DNAH3: variants seen among roughly 807,000 people sequenced by gnomAD.
DNAH3 encodes axonemal beta dynein heavy chain 3.
DNAH3 carries 332 observed loss-of-function variants against 432.5 expected under a neutral mutation model. The observed-to-expected ratio is 0.77, with a 90% CI of 0.70 to 0.84. DNAH3 has a LOEUF of 0.84. Ranked by LOEUF, DNAH3 falls within the 40% of genes least tolerant of loss-of-function variation. DNAH3 has a pLI of 0.00. For synonymous variants in DNAH3, 1,956 were observed against 1,900.2 expected (o/e 1.03, Z -0.76); for missense variants, 4,861 against 5,114.0 (o/e 0.95, Z 1.51).
chr16:21,154,371 C>T (rs1002132556), intron 1 of DNAH3, among the ~76,000 whole-genome samples: 1 of 151,596 alleles, frequency 6.6e-6, no homozygotes, highest in African/African-American at 2.4e-5. Flanking sequence ...CACCATTGCA[C>T]TCCAGCCTGT....
chr16:21,045,105 T>C (rs1333141207), intron 31 of DNAH3, among the ~76,000 whole-genome samples: 2 of 152,116 alleles, frequency 1.3e-5, no homozygotes, highest in Non-Finnish European at 2.9e-5. Flanking sequence ...TTTGCATCGA[T>C]GTTCATCAAG....
At chr16:21,040,021 G>T in intron 32 of DNAH3, 78 bp from the exon 33 acceptor site, 1 of 1,214,104 alleles carries the variant, frequency 8.2e-7, no homozygotes, top group Non-Finnish European at 1.2e-6. Flanking sequence ...GAAGCAAAGG[G>T]AAGTAGCTTT....
intron 8 of DNAH3, among the ~76,000 whole-genome samples, chr16:21,126,597 T>C (rs1597439178): frequency 1.3e-5 from 2 of 152,290 alleles, no homozygotes; most frequent in East Asian, 1.9e-4. Context: ...GTCATTCAAA[T>C]GCATTCCCCT....
intron 24 of DNAH3, chr16:21,063,122 C>T (rs2090421990): frequency 6.3e-6 from 1 of 157,886 alleles, no homozygotes; most frequent in Non-Finnish European, 1.4e-5. Context: ...GGGATGGGTG[C>T]TATCAGTTGA....
intron 5 of DNAH3, among the ~76,000 whole-genome samples, chr16:21,138,201 T>G (rs1016978949): frequency 6.6e-6 from 1 of 150,968 alleles, no homozygotes; most frequent in Non-Finnish European, 1.5e-5. Flanking sequence ...TGGGGCAAGA[T>G]CACGCCACAG....
chr16:21,067,757 T>TGAGGGGGG (rs1469229191), intron 23 of DNAH3, among the ~76,000 whole-genome samples: 2 of 29,802 alleles, frequency 6.7e-5, no homozygotes, highest in African/African-American at 1.7e-4. Flanking sequence ...AAGCCAGTCT[T>TGAGGGGGG]GGGGGGGGGG....
intron 60 of DNAH3, 119 bp from the exon 61 acceptor site, chr16:20,935,604 C>T: frequency 8.7e-7 from 1 of 1,151,622 alleles, no homozygotes; most frequent in Non-Finnish European, 1.2e-6. Context: ...TGAAACAGCC[C>T]TCTTGGTTTA....
intron 20 of DNAH3, among the ~76,000 whole-genome samples, chr16:21,081,283 TG>T (rs1002114242): frequency 2.6e-5 from 4 of 152,138 alleles, no homozygotes; most frequent in African/African-American, 9.6e-5. Context: ...GTTGTTGCTT[TG>T]TTTGTTTAAA....
At chr16:21,104,208 T>A in intron 16 of DNAH3, 1 of 322,376 alleles carries the variant, frequency 3.1e-6, no homozygotes, top group Non-Finnish European at 5.8e-6. Context: ...AGTTTTGCGT[T>A]TTTCTCTCTG....
chr16:21,071,048 A>AT (rs984738756), intron 21 of DNAH3, among the ~76,000 whole-genome samples: 50 of 145,592 alleles, frequency 3.4e-4, no homozygotes, highest in African/African-American at 8.6e-4. Flanking sequence ...CCATGCCTGG[A>AT]TTTTTTTTTT....
At chr16:21,041,977 G>A (rs969694352) in intron 32 of DNAH3, 50 bp downstream of exon 32, 1 of 1,607,376 alleles carries the variant, frequency 6.2e-7, no homozygotes, top group African/African-American at 1.3e-5. Flanking sequence ...CCGGCCCAGA[G>A]GTTTCTATTC....
In DNAH3 at chr16:21,042,372, T is replaced by C. The variant is rs567369865; in HGVS notation, c.4462-169A>G. On this transcript the variant is annotated intron_variant, in intron 31 of 61. Transcript: ENST00000261383. ...GGGGTTTTGGTAAGAAAAAAGAATA[T>C]AGGTTTGTGCATGTGTGCATGTGCG... Among the ~76,000 whole-genome samples the C allele has an allele frequency of 3.9e-5, 6 of 152,148 alleles. No individual in the cohort carries two copies. The South Asian group carries it at 6.2e-4, about 16-fold the overall frequency.
chr16:20,963,862 TC>T lies in DNAH3; in HGVS notation c.10021del (p.Glu3341AsnfsTer2). 1 of 1,614,092 alleles carries T rather than the reference TC, an allele frequency of 6.2e-7. No individual in the cohort carries two copies. Among genetic ancestry groups the T allele is most frequent in the Non-Finnish European group, 8.5e-7 (1 of 1,180,014 alleles). Reference sequence around the variant, plus strand: ...GATGTACTTGATGCGCAGATTCAGTTCCTCGCTCTTCGTGCTGTGGGTCAAG... The same window carrying T: ...GATGTACTTGATGCGCAGATTCAGTTCTCGCTCTTCGTGCTGTGGGTCAAG... On this transcript the variant is annotated frameshift_variant, in exon 53 of 62. Transcript: ENST00000261383. LOFTEE classifies it high-confidence loss of function.
rs553922807 is a variant in DNAH3 at position 21,133,167 on chromosome 16, C to T, written c.1082+1092G>A. ...AGGAGTTTGAGACCAGTCTGGACAA[C>T]ATGGTGAAACTCCGTCTCTATCAAA... On this transcript the variant is annotated intron_variant, in intron 7 of 61. Transcript: ENST00000261383. Among the ~76,000 whole-genome samples, 14 of 151,874 alleles carry T rather than the reference C, an allele frequency of 9.2e-5. No homozygotes were observed. In the East Asian group the frequency reaches 2.5e-3, roughly 27 times the overall value.
chr16:21,001,387 C>A lies in DNAH3; in HGVS notation c.6127-869G>T, dbSNP rs561726228. Among the ~76,000 whole-genome samples, 7 of 152,220 alleles carry A rather than the reference C, an allele frequency of 4.6e-5. No homozygotes were observed. The South Asian group carries it at 1.5e-3, about 32-fold the overall frequency. ...TATGTCTAGGCTGAAAGGGACTAGA[C>A]CTTGGGGCCACTGTGTTGTACAACT... On this transcript the variant is annotated intron_variant, in intron 42 of 61. Coordinates refer to ENST00000261383, the Ensembl canonical transcript of DNAH3.
intron 38 of DNAH3, among the ~76,000 whole-genome samples, chr16:21,025,056 C>T (rs1670454581): frequency 6.6e-6 from 1 of 152,042 alleles, no homozygotes; most frequent in Non-Finnish European, 1.5e-5. Context: ...TCCCGAGTAG[C>T]TGGAATTACA....
intron 10 of DNAH3, 56 bp downstream of exon 11, chr16:21,121,889 A>G (rs1477098670): frequency 9.4e-6 from 14 of 1,488,452 alleles, no homozygotes; most frequent in Non-Finnish European, 1.3e-5. Context: ...CTTTCAATAC[A>G]TTTTATTCAC....
intron 31 of DNAH3, among the ~76,000 whole-genome samples, chr16:21,047,730 C>A (rs1449126093): frequency 6.6e-6 from 1 of 152,044 alleles, no homozygotes; most frequent in Non-Finnish European, 1.5e-5. Context: ...GAACTGCGTT[C>A]CTTTGGAGGA....
At chr16:21,109,537 T>C (rs187919968) in intron 14 of DNAH3, among the ~76,000 whole-genome samples, 22 of 152,322 alleles carry the variant, frequency 1.4e-4, no homozygotes, top group African/African-American at 4.3e-4. Flanking sequence ...AAATTACACA[T>C]ATATGAATAA....
Sources: allele counts gnomAD v4.1 joint callset (sites outside exome capture counted in the v4.1 genomes callset), GRCh38; gene constraint gnomAD v4.1.1; transcripts MANE v1.5; gene names NCBI Gene and HGNC (gene_info 2026-07-23, HGNC 2026-07-21).